Variants in DISP1 observed in about 807,000 individuals in gnomAD.
DISP1 encodes dispatched RND transporter family member 1.
In DISP1, 30 loss-of-function variants were observed where a neutral mutation model predicts 37.3. The ratio of observed to expected loss-of-function variants is 0.80; its 90% confidence interval spans 0.60 to 1.09. DISP1 has a LOEUF of 1.09. Ranked by LOEUF, DISP1 falls within the 50% of genes least tolerant of loss-of-function variation. DISP1 has a pLI of 0.00. For synonymous variants in DISP1, 634 were observed against 690.2 expected, an observed-to-expected ratio of 0.92 and a Z score of 1.28; for missense variants, 1,598 against 1,879.5, an observed-to-expected ratio of 0.85 and a Z score of 2.77.
chr1:222,992,237 A>G, intron 7 of DISP1, 127 bp downstream of exon 7: 2 of 807,916 alleles, frequency 2.5e-6, no homozygotes, highest in East Asian at 2.7e-5. Context: ...TGTTGAACCT[A>G]AAGAAATTTT....
At chr1:222,946,187 C>T (rs1674757559) in intron 3 of DISP1, among the ~76,000 whole-genome samples, 1 of 141,994 alleles carries the variant, frequency 7.0e-6, no homozygotes, top group South Asian at 2.3e-4. Context: ...TCCTAGCTAA[C>T]ACAGTGAAAT....
At chr1:222,831,122 A>G (rs1382492993) in intron 1 of DISP1, 7 of 152,202 alleles carry the variant, frequency 4.6e-5, no homozygotes, top group Admixed American at 4.6e-4. Flanking sequence ...ATATGGATTA[A>G]TTGTACAGAA....
intron 3 of DISP1, among the ~76,000 whole-genome samples, chr1:222,981,938 G>A (rs34188904): frequency 0.58 from 88,379 of 151,994 alleles, 27,597 homozygotes; most frequent in East Asian, 0.7. Context: ...TTCAAAAATT[G>A]TTGAGAACCT....
rs181761246 is a variant in DISP1 at position 222,963,546 on chromosome 1, A to G, written c.510-19534A>G. On this transcript the variant is annotated intron_variant, in intron 3 of 8. Transcript: ENST00000675850. ...CCCATCAATGATAGACTGGATAAAGAAAATGTGGTACATATACACCATGGA... is the reference window on the plus strand; with the variant it reads ...CCCATCAATGATAGACTGGATAAAGGAAATGTGGTACATATACACCATGGA... Among the ~76,000 whole-genome samples the G allele has an allele frequency of 3.6e-4, 55 of 152,344 alleles. No homozygotes were observed. In the East Asian group the frequency reaches 7.7e-3, roughly 21 times the overall value.
chr1:222,864,850 G>C lies in DISP1; in HGVS notation c.-159+49772G>C, dbSNP rs574661826. Among the ~76,000 whole-genome samples the C allele has an allele frequency of 3.9e-5, 6 of 152,164 alleles. No homozygotes were observed. The East Asian group carries it at 1.2e-3, about 29-fold the overall frequency. ...AAGAATGCTTGAAGGTAACTTATGA[G>C]CAAATGACTAGAAATTTCTGATAAC... On this transcript the variant is annotated intron_variant, in intron 1 of 8. Transcript: ENST00000675850.
chr1:223,003,686 T>A lies in DISP1; in HGVS notation c.2289T>A (p.Arg763=). 1 of 1,614,154 alleles carries A rather than the reference T, an allele frequency of 6.2e-7. No individual in the cohort carries two copies. The highest frequency in any genetic ancestry group is 8.5e-7 in the Non-Finnish European group (1 of 1,180,030). Residue 763 remains arginine (R), a synonymous_variant, in exon 9 of 9, where the codon CGT becomes CGA. Transcript: ENST00000675850. This position sits in a 1 kb window ranked among gnomAD's most constrained non-coding sequence, Gnocchi z 4.3. ...QVFRSSHPFE[R]YDAEYKKLFM... is the part of the protein sequence containing the mutation. ...TCCGGTCGTCCCATCCTTTTGAGCG[T>A]TATGATGCTGAATACAAAAAGCTTT...
At chr1:222,881,401 G>T (rs1458450752) in intron 1 of DISP1, among the ~76,000 whole-genome samples, 1 of 152,078 alleles carries the variant, frequency 6.6e-6, no homozygotes, top group Non-Finnish European at 1.5e-5. Flanking sequence ...CTCCATGTTG[G>T]TCAGGCTGGT....
intron 2 of DISP1, among the ~76,000 whole-genome samples, chr1:222,942,452 A>G (rs1175160689): frequency 1.3e-5 from 2 of 152,140 alleles, no homozygotes; most frequent in Admixed American, 1.3e-4. Context: ...TTGAAAAGCT[A>G]AAGGATGCTA....
rs74400581 is a variant in DISP1 at position 222,898,316 on chromosome 1, T to C, written c.-158-30114T>C. ...AACACTGAGATCATAGAGCCGATTG[T>C]TGGGGAGGGAACACAGTTACTGAAG... On this transcript the variant is annotated intron_variant, in intron 1 of 8. Transcript: ENST00000675850. Among the ~76,000 whole-genome samples, 6 of 152,204 alleles carry C rather than the reference T, an allele frequency of 3.9e-5. No individual in the cohort carries two copies. In the South Asian group the frequency reaches 8.3e-4, roughly 21 times the overall value.
chr1:222,836,742 AATATAT>A (rs67076863), intron 1 of DISP1, among the ~76,000 whole-genome samples: 8 of 144,482 alleles, frequency 5.5e-5, no homozygotes, highest in East Asian at 2.0e-4. Context: ...AATTAAAAAG[AATATAT>A]ATATATATAT....
At chr1:222,957,798 G>T (rs1397280837) in intron 3 of DISP1, among the ~76,000 whole-genome samples, 1 of 152,074 alleles carries the variant, frequency 6.6e-6, no homozygotes, top group African/African-American at 2.4e-5. Context: ...CTTGTTTACT[G>T]AAATAACAAA....
chr1:222,902,462 A>G (rs559296545), intron 1 of DISP1, among the ~76,000 whole-genome samples: 1 of 152,338 alleles, frequency 6.6e-6, no homozygotes, highest in Admixed American at 6.5e-5. Flanking sequence ...ATGGGATCTA[A>G]TTAAACTAAA....
intron 1 of DISP1, among the ~76,000 whole-genome samples, chr1:222,883,086 C>G (rs1291564119): frequency 1.3e-5 from 2 of 151,986 alleles, no homozygotes; most frequent in Non-Finnish European, 2.9e-5. Context: ...TTTTAACTAA[C>G]ATTTTTTGTT....
intron 1 of DISP1, among the ~76,000 whole-genome samples, chr1:222,830,525 C>G (rs1481970751): frequency 6.6e-6 from 1 of 152,048 alleles, no homozygotes; most frequent in Admixed American, 6.6e-5. Flanking sequence ...GGACTATAGG[C>G]GCGTGTCACC....
chr1:222,937,336 C>T (rs184916446), intron 2 of DISP1, among the ~76,000 whole-genome samples: 77 of 151,926 alleles, frequency 5.1e-4, no homozygotes, highest in East Asian at 5.8e-4. Context: ...GTGATCCACC[C>T]GCCTCAGCCT....
At chr1:222,911,508 T>C (rs1353379681) in intron 1 of DISP1, among the ~76,000 whole-genome samples, 1 of 148,100 alleles carries the variant, frequency 6.8e-6, no homozygotes, top group Admixed American at 6.7e-5. Context: ...TGGCTTTTAA[T>C]TTTTTTTTCT....
At position 223,003,563 on chromosome 1, in the gene DISP1, G is replaced by C. The variant is rs113132322; in HGVS notation, c.2166G>C (p.Leu722=). Residue 722 remains leucine (L), a synonymous_variant, in exon 9 of 9, where the codon CTG becomes CTC. Coordinates refer to ENST00000675850, the MANE Select transcript of DISP1 (RefSeq NM_001377229.1). This position sits in a 1 kb window ranked among gnomAD's most constrained non-coding sequence, Gnocchi z 4.3. ...TCATTAAGTTTCGCTACCTTTGGCT[G>C]TTTTGGTTCCTTGCCTTAACTGTAG... ...CIVIKFRYLW[L]FWFLALTVGG... is the part of the protein sequence containing the mutation. 18 of 1,614,184 alleles carry C rather than the reference G, an allele frequency of 1.1e-5. No individual in the cohort carries two copies. The African/African-American group carries it at 1.3e-4, about 12-fold the overall frequency.
chr1:222,883,019 G>A (rs902447151), intron 1 of DISP1, among the ~76,000 whole-genome samples: 1 of 152,116 alleles, frequency 6.6e-6, no homozygotes, highest in Admixed American at 6.5e-5. Context: ...TTATGAGATA[G>A]TACTAGTCAT....
At chr1:222,907,757 C>T (rs1057485730) in intron 1 of DISP1, among the ~76,000 whole-genome samples, 6 of 152,138 alleles carry the variant, frequency 3.9e-5, no homozygotes, top group Non-Finnish European at 1.5e-5. Flanking sequence ...TGAGACCAGC[C>T]TGACCAACAT....
Sources: allele counts gnomAD v4.1 joint callset (sites outside exome capture counted in the v4.1 genomes callset), GRCh38; gene constraint gnomAD v4.1.1; non-coding constraint Gnocchi (gnomAD v3.1); transcripts MANE v1.5; gene names NCBI Gene and HGNC (gene_info 2026-07-23, HGNC 2026-07-21).